Variants in CNOT4 observed in about 807,000 individuals in gnomAD.
CNOT4 encodes the protein CCR4-NOT transcription complex subunit 4.
In CNOT4, 8 loss-of-function variants were observed where a neutral mutation model predicts 73.8. That is an observed-to-expected ratio of 0.11 (90% CI 0.06 to 0.20). The LOEUF (loss-of-function observed/expected upper bound fraction) is 0.20. Ranked by LOEUF, CNOT4 falls within the 10% of genes least tolerant of loss-of-function variation. CNOT4 has a pLI of 1.00. For synonymous variants in CNOT4, 293 were observed against 321.1 expected (o/e 0.91, Z 0.94); for missense variants, 564 against 883.4 (o/e 0.64, Z 4.58).
chr7:135,484,144 G>A (rs1307344531), intron 1 of CNOT4, among the ~76,000 whole-genome samples: 1 of 152,096 alleles, frequency 6.6e-6, no homozygotes, highest in Non-Finnish European at 1.5e-5. Context: ...GCAGTGGGCC[G>A]AGATCTTGCC....
chr7:135,472,094 G>A (rs1801618502), intron 1 of CNOT4, among the ~76,000 whole-genome samples: 1 of 151,520 alleles, frequency 6.6e-6, no homozygotes, highest in Admixed American at 6.6e-5. Context: ...TAGCGCTTGA[G>A]CCTGGGAGGT....
At chr7:135,419,191 G>C (rs909059064) in intron 3 of CNOT4, among the ~76,000 whole-genome samples, 1 of 151,630 alleles carries the variant, frequency 6.6e-6, no homozygotes, top group Non-Finnish European at 1.5e-5. Context: ...AATCAATCTT[G>C]GTATGAAGCT....
chr7:135,373,400 G>T (rs1795328051), intron 10 of CNOT4, among the ~76,000 whole-genome samples: 1 of 152,124 alleles, frequency 6.6e-6, no homozygotes, highest in Non-Finnish European at 1.5e-5. Flanking sequence ...AGTCAGGAGA[G>T]ATGCAGACAT....
chr7:135,395,103 C>A (rs1037289352), intron 9 of CNOT4, among the ~76,000 whole-genome samples: 8 of 151,998 alleles, frequency 5.3e-5, no homozygotes, highest in African/African-American at 1.9e-4. Flanking sequence ...AAATCTAAGT[C>A]CTTGCCAGGT....
intron 10 of CNOT4, among the ~76,000 whole-genome samples, chr7:135,365,481 A>T (rs1452522708): frequency 6.8e-6 from 1 of 147,942 alleles, no homozygotes; most frequent in Non-Finnish European, 1.5e-5. Flanking sequence ...GATCTTCACA[A>T]CAGCCCTGAG....
At position 135,509,917 on chromosome 7, in the gene CNOT4, G is replaced by A. The variant is rs1324044747; in HGVS notation, c.-121C>T. On this transcript the variant is annotated 5_prime_UTR_variant, in exon 1 of 12. Transcript: ENST00000541284. ...CCTGCCTTGCCTCGCTTTTCCCTCA[G>A]CCGACTCCACGGGCTGCCGCGTCCT... 5.0e-6 allele frequency: 2 copies of A among 397,450 alleles called. No individual in the cohort carries two copies. The highest frequency in any genetic ancestry group is 4.4e-6 in the Non-Finnish European group (1 of 225,532). The allele number at this position is 397,450 out of a possible 1,614,324, so 24.6% of individuals were successfully genotyped here.
chr7:135,409,439 CAT>C (rs779968021), intron 7 of CNOT4, among the ~76,000 whole-genome samples: 7 of 151,958 alleles, frequency 4.6e-5, no homozygotes, highest in Non-Finnish European at 8.8e-5. Context: ...TTTACATACA[CAT>C]ATATATGTGT....
intron 1 of CNOT4, chr7:135,509,247 G>T (rs1804575074): frequency 6.6e-6 from 1 of 152,502 alleles, no homozygotes; most frequent in South Asian, 2.1e-4. Context: ...AGATACTTAA[G>T]GGGCAGCTTT....
chr7:135,444,040 C>T (rs959749312), intron 1 of CNOT4, among the ~76,000 whole-genome samples: 2 of 151,622 alleles, frequency 1.3e-5, no homozygotes, highest in Admixed American at 6.6e-5. Flanking sequence ...CTCAGGAGGC[C>T]GAGGTAGGAG....
intron 6 of CNOT4, among the ~76,000 whole-genome samples, chr7:135,411,693 A>AT (rs1563033400): frequency 6.6e-6 from 1 of 151,952 alleles, no homozygotes; most frequent in East Asian, 1.9e-4. Context: ...AGGGATGTTA[A>AT]TTTTTTTAAA....
chr7:135,377,044 T>A (rs1263560337), intron 10 of CNOT4, among the ~76,000 whole-genome samples: 1 of 152,198 alleles, frequency 6.6e-6, no homozygotes, highest in Non-Finnish European at 1.5e-5. Context: ...CAAGCATACA[T>A]CTTTAAGAGT....
intron 1 of CNOT4, among the ~76,000 whole-genome samples, chr7:135,490,794 A>T (rs1803061045): frequency 6.6e-6 from 1 of 152,222 alleles, no homozygotes; most frequent in Non-Finnish European, 1.5e-5. Context: ...ATATGACTTA[A>T]ATTTTCAAAG....
chr7:135,467,367 C>G (rs1801284268), intron 1 of CNOT4, among the ~76,000 whole-genome samples: 1 of 152,156 alleles, frequency 6.6e-6, no homozygotes, highest in Non-Finnish European at 1.5e-5. Context: ...CTTTCCCCAC[C>G]ATCGCTGTGA....
Position 135,363,230 on chromosome 7 carries a change from T to G in CNOT4, c.1841-44A>C. 2 of 1,585,790 alleles carry G rather than the reference T, an allele frequency of 1.3e-6. No individual in the cohort carries two copies. The highest frequency in any genetic ancestry group is 1.7e-6 in the Non-Finnish European group (2 of 1,158,980). On this transcript the variant is annotated intron_variant, in intron 11 of 11. Coordinates refer to ENST00000541284, the MANE Select transcript of CNOT4 (RefSeq NM_001190850.2). This position sits in a 1 kb window ranked among gnomAD's most constrained non-coding sequence, Gnocchi z 4.3. Reference sequence around the variant, plus strand: ...AAAGAGGGAAAATGGTGAGTTTGTGTGGAAAGAATAAGGTCGTCAAACAAA... The same window carrying G: ...AAAGAGGGAAAATGGTGAGTTTGTGGGGAAAGAATAAGGTCGTCAAACAAA...
chr7:135,452,524 C>T (rs1379581819), intron 1 of CNOT4, among the ~76,000 whole-genome samples: 1 of 152,030 alleles, frequency 6.6e-6, no homozygotes, highest in African/African-American at 2.4e-5. Context: ...GAGCTGAGGT[C>T]GTATCACTGC....
intron 1 of CNOT4, among the ~76,000 whole-genome samples, chr7:135,449,663 CT>C (rs1403982392): frequency 6.6e-6 from 1 of 152,112 alleles, no homozygotes; most frequent in Non-Finnish European, 1.5e-5. Flanking sequence ...GAGAAAATTA[CT>C]GTCAACCTAC....
intron 1 of CNOT4, among the ~76,000 whole-genome samples, chr7:135,479,207 T>C (rs1157157868): frequency 2.3e-5 from 3 of 130,100 alleles, no homozygotes; most frequent in Admixed American, 1.5e-4. Flanking sequence ...AATTTTTTTT[T>C]TTTTTTTTTT....
rs556097383 is a variant in CNOT4 at position 135,370,939 on chromosome 7, G to A, written c.1628-6873C>T. Reference sequence around the variant, plus strand: ...CAAATATACTTTTAAAAAGTCCAACGCATCAAAACTGTTTAAAGAAGGAAT... The same window carrying A: ...CAAATATACTTTTAAAAAGTCCAACACATCAAAACTGTTTAAAGAAGGAAT... On this transcript the variant is annotated intron_variant, in intron 10 of 11. Transcript: ENST00000541284. Among the ~76,000 whole-genome samples, 11 of 152,172 alleles carry A rather than the reference G, an allele frequency of 7.2e-5. No individual in the cohort carries two copies. In the South Asian group the frequency reaches 1.2e-3, roughly 17 times the overall value.
chr7:135,378,689 T>C (rs1328374301), intron 10 of CNOT4, among the ~76,000 whole-genome samples: 1 of 151,228 alleles, frequency 6.6e-6, no homozygotes, highest in Non-Finnish European at 1.5e-5. Flanking sequence ...TTCTCTCCTT[T>C]GAAGAGGGAA....
Sources: allele counts gnomAD v4.1 joint callset (sites outside exome capture counted in the v4.1 genomes callset), GRCh38; gene constraint gnomAD v4.1.1; non-coding constraint Gnocchi (gnomAD v3.1); transcripts MANE v1.5; gene names NCBI Gene and HGNC (gene_info 2026-07-23, HGNC 2026-07-21).